The following SACS variants were observed in gnomAD, a reference collection of about 807,000 sequenced individuals.
SACS encodes the protein sacsin molecular chaperone, also known as sacsin.
Under a neutral mutation model 348.0 loss-of-function variants are expected in SACS, and 197 were observed. That is an observed-to-expected ratio of 0.57 (90% CI 0.50 to 0.64). SACS has a LOEUF of 0.64. Among genes scored for constraint, SACS ranks in the 30% least tolerant of loss-of-function variants. The probability of loss-of-function intolerance (pLI) is 0.00; values close to 1 mark genes in which losing one functional copy is unlikely to be tolerated. For missense variants in SACS, 4,999 were observed against 5,360.8 expected, an observed-to-expected ratio of 0.93 and a Z score of 2.11; for synonymous variants, 1,985 against 1,910.6, an observed-to-expected ratio of 1.04 and a Z score of -1.02.
intron 2 of SACS, chr13:23,375,514 C>A: frequency 9.0e-7 from 1 of 1,113,996 alleles, no homozygotes; most frequent in Non-Finnish European, 1.1e-6. Flanking sequence ...GGAGGAAACG[C>A]TAGAGGAAGC....
Position 23,330,568 on chromosome 13 carries a change from G to T in SACS, c.13308C>A (p.Pro4436=), listed in dbSNP as rs774342248. 4 of 1,613,884 alleles carry T rather than the reference G, an allele frequency of 2.5e-6. No individual in the cohort carries two copies. Among genetic ancestry groups the T allele is most frequent in the Non-Finnish European group, 3.4e-6 (4 of 1,179,970 alleles). ...QTYSQRFFVP[P]TFKSVGNPVE... is the part of the protein sequence containing the mutation. ...CTGGATTGCCAACCGACTTGAAAGT[G>T]GGAGGAACAAAGAACCTTTGAGAGT... The change falls in exon 10 of 10, where the codon CCC becomes CCA. Residue 4436 remains proline, a synonymous_variant. Coordinates refer to ENST00000382292, the MANE Select transcript of SACS (RefSeq NM_014363.6).
intron 6 of SACS, among the ~76,000 whole-genome samples, chr13:23,362,874 C>T (rs1310147981): frequency 6.6e-6 from 1 of 151,910 alleles, no homozygotes; most frequent in Admixed American, 6.6e-5. Flanking sequence ...GCAGGAGCCA[C>T]CATGCCCAGC....
At chr13:23,369,712 T>C (rs1396500414) in intron 4 of SACS, among the ~76,000 whole-genome samples, 1 of 151,984 alleles carries the variant, frequency 6.6e-6, no homozygotes. Context: ...ACCCAGCTAA[T>C]TTTTTGTATT....
chr13:23,329,308 C>A lies in SACS; in HGVS notation c.*828G>T. The stretch of plus-strand genomic sequence containing the variant: ...AACAAAAGATTGCATCCTGTTCAAC[C>A]ACACTATATAAATTATAACATTTGT... On this transcript the variant is annotated 3_prime_UTR_variant, in exon 10 of 10. Coordinates refer to ENST00000382292, the MANE Select transcript of SACS (RefSeq NM_014363.6). 1 of 615,876 alleles carries A rather than the reference C, an allele frequency of 1.6e-6. No homozygotes were observed. The allele number at this position is 615,876 out of a possible 1,614,324, so 38.2% of individuals were successfully genotyped here. A position where few individuals can be genotyped will look rare whatever the true frequency, so the allele number is the denominator to read the frequency against.
At position 23,340,433 on chromosome 13, in the gene SACS, T is replaced by G. The variant is rs140028127; in HGVS notation, c.3443A>C (p.Lys1148Thr). The G allele has an allele frequency of 4.9e-5, 79 of 1,614,176 alleles. No homozygotes were observed. In the African/African-American group the frequency reaches 1.0e-3, roughly 21 times the overall value. The change falls in exon 10 of 10, where the codon AAG becomes ACG. Residue 1148 changes from lysine to threonine, a missense_variant. Physicochemically the swap from Lys to Thr is moderately conservative, Grantham distance 78 (BLOSUM62 -1). Coordinates refer to ENST00000382292, the MANE Select transcript of SACS (RefSeq NM_014363.6). ...CCATTTTATTTTCTTCAATGTCATC[T>G]TTCCTTCAGATGATTGCAACAGTGT... ...NHTLLQSSEG[K>T]MTLKKIKWVP...
chr13:23,406,383 G>T (rs1426617149), intron 2 of SACS, among the ~76,000 whole-genome samples: 2 of 151,930 alleles, frequency 1.3e-5, no homozygotes, highest in Non-Finnish European at 2.9e-5. Flanking sequence ...CCTGTCGGGG[G>T]GTGGGGATTA....
chr13:23,377,159 G>A (rs1593162904), intron 2 of SACS, among the ~76,000 whole-genome samples: 2 of 152,304 alleles, frequency 1.3e-5, no homozygotes, highest in East Asian at 1.9e-4. Context: ...CAGTGCTAAT[G>A]GGTGTGGGGT....
In SACS at chr13:23,358,367, C is replaced by T. The variant is rs1278644930; in HGVS notation, c.572G>A (p.Gly191Glu). Residue 191 changes from glycine (G) to glutamate (E), a missense_variant, in exon 7 of 10, where the codon GGA becomes GAA. Gly to Glu is a moderately conservative substitution (Grantham distance 98, BLOSUM62 -2). Transcript: ENST00000382292. ...KDDPLKVGRF[G>E]IGFNSVYHIT... is the part of the protein sequence containing the mutation. ...ATGATAGACAGAATTAAACCCAATT[C>T]CAAATCTTCCGACCTTCAGAGGATC... The T allele has an allele frequency of 6.2e-7, 1 of 1,614,150 alleles. No individual in the cohort carries two copies. The highest frequency in any genetic ancestry group is 8.5e-7 in the Non-Finnish European group (1 of 1,180,010).
chr13:23,367,305 TAA>T (rs1014163918), intron 5 of SACS, among the ~76,000 whole-genome samples: 37 of 152,196 alleles, frequency 2.4e-4, no homozygotes, highest in African/African-American at 8.4e-4. Context: ...CCATGATCAC[TAA>T]AGACACAACA....
intron 1 of SACS, among the ~76,000 whole-genome samples, chr13:23,413,965 T>C (rs1013854056): frequency 1.3e-5 from 2 of 152,208 alleles, no homozygotes; most frequent in Admixed American, 6.5e-5. Flanking sequence ...AAAGAGGTCA[T>C]GTATAATAAA....
chr13:23,342,402 T>C (rs1156966103), intron 9 of SACS, among the ~76,000 whole-genome samples: 1 of 152,176 alleles, frequency 6.6e-6, no homozygotes. Flanking sequence ...AATCTTTTTA[T>C]TTAAAGGTAA....
chr13:23,353,814 G>C lies in SACS; in HGVS notation c.2156C>G (p.Ala719Gly). The C allele has an allele frequency of 1.9e-6, 3 of 1,609,550 alleles. No homozygotes were observed. Among genetic ancestry groups the C allele is most frequent in the Non-Finnish European group, 2.6e-6 (3 of 1,176,136 alleles). The change falls in exon 9 of 10, where the codon GCT (alanine) becomes GGT (glycine). Residue 719 changes from alanine (A) to glycine (G), a missense_variant. By Grantham distance (60) the Ala-to-Gly change is moderately conservative. Transcript: ENST00000382292. ...ILDNLKPHLV[A>G]ALKEAAQTRG... ...GGTTTGGGCAGCTTCCTTTAAAGCA[G>C]CCACAAGGTGAGGTTTCAAGTTATC...
At chr13:23,365,929 G>C (rs1418704371) in intron 5 of SACS, among the ~76,000 whole-genome samples, 1 of 152,078 alleles carries the variant, frequency 6.6e-6, no homozygotes, top group Non-Finnish European at 1.5e-5. Flanking sequence ...CCGTAATGTA[G>C]AAAGGAAAGG....
intron 9 of SACS, among the ~76,000 whole-genome samples, chr13:23,350,232 GA>G (rs1869866868): frequency 6.6e-6 from 1 of 152,148 alleles, no homozygotes; most frequent in South Asian, 2.1e-4. Flanking sequence ...TATTTTAGTG[GA>G]ATGACAGTGG....
At chr13:23,365,831 G>A (rs1871029561) in intron 5 of SACS, among the ~76,000 whole-genome samples, 1 of 152,116 alleles carries the variant, frequency 6.6e-6, no homozygotes, top group Non-Finnish European at 1.5e-5. Flanking sequence ...GCTTCCAGAT[G>A]GTCAGGACTG....
intron 1 of SACS, among the ~76,000 whole-genome samples, chr13:23,413,031 G>A (rs1873557219): frequency 6.6e-6 from 1 of 152,154 alleles, no homozygotes; most frequent in African/African-American, 2.4e-5. Context: ...AGGCTGGAGT[G>A]CAATGGCACA....
chr13:23,385,364 T>G (rs1872247159), intron 2 of SACS, among the ~76,000 whole-genome samples: 1 of 151,404 alleles, frequency 6.6e-6, no homozygotes, highest in Non-Finnish European at 1.5e-5. Context: ...GATGTTCTTT[T>G]TTTTTTTTTT....
At chr13:23,368,260 A>G (rs975176470) in intron 5 of SACS, 142 bp downstream of exon 5, 25 of 634,640 alleles carry the variant, frequency 3.9e-5, no homozygotes, top group Non-Finnish European at 5.8e-5. Flanking sequence ...ACTGCTATAC[A>G]CTGCAGCCAC....
chr13:23,375,572 C>T (rs918129959), intron 2 of SACS: 60 of 1,028,666 alleles, frequency 5.8e-5, no homozygotes, highest in Non-Finnish European at 6.9e-5. Context: ...CGCTCCCGGC[C>T]CACTCCCGGC....
Sources: gnomAD v4.1 joint callset for allele counts (sites outside exome capture counted in the v4.1 genomes callset) on GRCh38, gnomAD v4.1.1 for gene constraint, MANE v1.5 for transcripts, NCBI Gene and HGNC (gene_info 2026-07-23, HGNC 2026-07-21) for gene names.